GPC6: variants seen among roughly 807,000 people sequenced by gnomAD.
The protein encoded by GPC6 is glypican 6, also known as glypican-6.
In GPC6, 14 loss-of-function variants were observed where a neutral mutation model predicts 55.2. The ratio of observed to expected loss-of-function variants is 0.25; its 90% CI spans 0.17 to 0.40. The LOEUF (loss-of-function observed/expected upper bound fraction) is 0.40. Ranked by LOEUF, GPC6 falls within the 10% of genes least tolerant of loss-of-function variation. The pLI, the probability that GPC6 is intolerant of heterozygous loss-of-function variation, is 1.00. For synonymous variants in GPC6, 278 were observed against 259.6 expected (o/e 1.07, Z -0.68); for missense variants, 641 against 708.5 (o/e 0.90, Z 1.08).
At chr13:94,055,500 T>G (rs1566344970) in intron 4 of GPC6, among the ~76,000 whole-genome samples, 1 of 152,266 alleles carries the variant, frequency 6.6e-6, no homozygotes, top group East Asian at 1.9e-4. Context: ...TTTTACCAGA[T>G]TTTTAGGTCT....
intron 3 of GPC6, among the ~76,000 whole-genome samples, chr13:93,933,045 G>A (rs1878261754): frequency 6.9e-6 from 1 of 145,834 alleles, no homozygotes; most frequent in African/African-American, 2.5e-5. Context: ...GCTTCTGGAG[G>A]CCACTTACAA....
intron 2 of GPC6, among the ~76,000 whole-genome samples, chr13:93,646,319 T>C (rs1166093104): frequency 1.3e-5 from 2 of 152,130 alleles, no homozygotes; most frequent in Non-Finnish European, 2.9e-5. Flanking sequence ...AGATTCTGTT[T>C]TTTTCATTAT....
intron 2 of GPC6, among the ~76,000 whole-genome samples, chr13:93,570,484 G>A (rs1475391589): frequency 6.6e-6 from 1 of 152,106 alleles, no homozygotes; most frequent in African/African-American, 2.4e-5. Flanking sequence ...CAATGCTAAT[G>A]GCCATGCCAT....
rs534493735 is a variant in GPC6, at chr13:93,790,474, A to T, written c.320-39680A>T. On this transcript the variant is annotated intron_variant, in intron 2 of 8. Transcript: ENST00000377047. ...TAGAAGGAAACTCTTAGGTTTGAGGATATCAGATTTATTATTGGTAACATG... is the reference window on the plus strand; with the variant it reads ...TAGAAGGAAACTCTTAGGTTTGAGGTTATCAGATTTATTATTGGTAACATG... 1.9e-4 allele frequency among the ~76,000 whole-genome samples: 29 copies of T among 152,286 alleles called. No individual in the cohort carries two copies. The South Asian group carries it at 2.7e-3, about 14-fold the overall frequency.
At chr13:93,309,920 A>G (rs1594087940) in intron 1 of GPC6, among the ~76,000 whole-genome samples, 1 of 152,184 alleles carries the variant, frequency 6.6e-6, no homozygotes, top group Non-Finnish European at 1.5e-5. Flanking sequence ...TGTATTGTAA[A>G]AAGTGACCTG....
intron 3 of GPC6, among the ~76,000 whole-genome samples, chr13:93,839,345 A>G (rs115723981): frequency 0.01 from 1,573 of 152,220 alleles, 27 homozygotes; most frequent in African/African-American, 0.036. Flanking sequence ...CTTTACATCA[A>G]TTTCACATTG....
At chr13:94,207,353 C>A (rs903108901) in intron 4 of GPC6, among the ~76,000 whole-genome samples, 2 of 152,200 alleles carry the variant, frequency 1.3e-5, no homozygotes, top group African/African-American at 4.8e-5. Context: ...TCTTAACAAA[C>A]CCATATTTCC....
At chr13:93,852,664 C>T (rs1888446691) in intron 3 of GPC6, among the ~76,000 whole-genome samples, 1 of 151,674 alleles carries the variant, frequency 6.6e-6, no homozygotes, top group South Asian at 2.1e-4. Flanking sequence ...TCCCCACAAA[C>T]TCTCAATTCT....
At chr13:93,231,026 T>C (rs1201414720) in intron 1 of GPC6, among the ~76,000 whole-genome samples, 2 of 152,016 alleles carry the variant, frequency 1.3e-5, no homozygotes, top group South Asian at 2.1e-4. Flanking sequence ...TATGTGCCCA[T>C]CACCTACTTA....
chr13:93,449,449 A>G (rs1404255257), intron 1 of GPC6, among the ~76,000 whole-genome samples: 1 of 152,162 alleles, frequency 6.6e-6, no homozygotes. Context: ...TGGCTGGGTT[A>G]GTCTCCTTAG....
intron 5 of GPC6, among the ~76,000 whole-genome samples, chr13:94,288,759 A>T (rs1428530025): frequency 3.9e-5 from 5 of 126,884 alleles, no homozygotes; most frequent in African/African-American, 1.5e-4. Context: ...AATATATATA[A>T]TAAATATATA....
At chr13:94,108,268 CT>C (rs1886125518) in intron 4 of GPC6, among the ~76,000 whole-genome samples, 2 of 152,030 alleles carry the variant, frequency 1.3e-5, no homozygotes, top group African/African-American at 4.8e-5. Context: ...GACTATTATC[CT>C]AAGTGAAGAA....
At chr13:93,248,439 T>G (rs1876676424) in intron 1 of GPC6, among the ~76,000 whole-genome samples, 1 of 87,380 alleles carries the variant, frequency 1.1e-5, no homozygotes, top group Admixed American at 1.3e-4. Flanking sequence ...CAAAAAGTGT[T>G]TTTTTTTTTT....
At chr13:93,727,162 C>T (rs1035165309) in intron 2 of GPC6, among the ~76,000 whole-genome samples, 1 of 151,964 alleles carries the variant, frequency 6.6e-6, no homozygotes, top group Admixed American at 6.6e-5. Flanking sequence ...GCACCTAAGT[C>T]GATTACTGTA....
In GPC6 at chr13:93,743,080, G is replaced by T. The variant is rs564254723; in HGVS notation, c.320-87074G>T. Among the ~76,000 whole-genome samples the T allele has an allele frequency of 4.6e-5, 7 of 152,310 alleles. No homozygotes were observed. In the South Asian group the frequency reaches 1.4e-3, roughly 32 times the overall value. ...AGTTAGCTACAAGCAGTGATTTAGA[G>T]AAATGGTGGTCTATGAGTAGAAGAA... On this transcript the variant is annotated intron_variant, in intron 2 of 8. Coordinates refer to ENST00000377047, the MANE Select transcript of GPC6 (RefSeq NM_005708.5).
intron 4 of GPC6, among the ~76,000 whole-genome samples, chr13:94,165,901 T>C (rs528098014): frequency 6.6e-6 from 1 of 152,192 alleles, no homozygotes; most frequent in African/African-American, 2.4e-5. Context: ...GACCTCCTAA[T>C]AGTAAATTTA....
rs9561550 is a variant in GPC6, at chr13:94,393,225, A to G, written c.1290-5241A>G. Among the ~76,000 whole-genome samples the G allele has an allele frequency of 6.4e-4, 97 of 152,308 alleles. No individual in the cohort carries two copies. The East Asian group carries it at 0.014, about 22-fold the overall frequency. On this transcript the variant is annotated intron_variant, in intron 7 of 8. Coordinates refer to ENST00000377047, the MANE Select transcript of GPC6 (RefSeq NM_005708.5). ...AGAAAATGACCACAGTGAATATGCT[A>G]TATATTACATCGTATCTCCAGTGGG...
chr13:93,444,195 C>CTTCTTTTTTTTTTT (rs755978023), intron 1 of GPC6, among the ~76,000 whole-genome samples: 1 of 110,706 alleles, frequency 9.0e-6, no homozygotes, highest in African/African-American at 3.3e-5. Flanking sequence ...TGCAATTCTT[C>CTTCTTTTTTTTTTT]TTTTTTTTTT....
intron 2 of GPC6, among the ~76,000 whole-genome samples, chr13:93,769,495 A>G (rs1421491340): frequency 2.6e-5 from 4 of 151,374 alleles, no homozygotes; most frequent in Non-Finnish European, 2.9e-5. Context: ...AGAGTCTGGG[A>G]GGATCACCTT....
Sources: allele counts gnomAD v4.1 joint callset (sites outside exome capture counted in the v4.1 genomes callset), GRCh38; gene constraint gnomAD v4.1.1; transcripts MANE v1.5; gene names NCBI Gene and HGNC (gene_info 2026-07-23, HGNC 2026-07-21).